Variants in PNPLA7 observed in about 807,000 individuals in gnomAD.
PNPLA7 encodes the protein patatin-like phospholipase domain-containing protein 7.
In PNPLA7, 153 loss-of-function variants were observed where a neutral mutation model predicts 161.7. That is an observed-to-expected ratio of 0.95 (90% CI 0.83 to 1.08). The LOEUF is 1.08. PNPLA7 is among the 50% of genes least tolerant of loss of function. The pLI is 0.00. For synonymous variants in PNPLA7, 809 were observed against 782.1 expected (o/e 1.03, Z -0.57); for missense variants, 1,739 against 1,856.6 (o/e 0.94, Z 1.16).
rs554081830 is a variant in PNPLA7, at chr9:137,480,011, C to T, written c.2580+301G>A. 1.6e-5 allele frequency: 12 copies of T among 731,268 alleles called. No individual in the cohort carries two copies. The African/African-American group carries it at 1.9e-4, about 12-fold the overall frequency. 45.3% of individuals were successfully genotyped at this position (731,268 alleles called of 1,614,324 possible). A position where few individuals can be genotyped will look rare whatever the true frequency, so the allele number is the denominator to read the frequency against. ...CTTCAGATGACACAAAATAGGGCAC[C>T]GTTTACGTAAAAGGTTAGTCCTGGA... On this transcript the variant is annotated intron_variant, in intron 23 of 34. Coordinates refer to ENST00000406427, the MANE Select transcript of PNPLA7 (RefSeq NM_001098537.3).
At chr9:137,466,319 C>T (rs1157415665) in intron 26 of PNPLA7, among the ~76,000 whole-genome samples, 1 of 152,102 alleles carries the variant, frequency 6.6e-6, no homozygotes. Context: ...GACCCGGGCA[C>T]GGATCAGACC....
At chr9:137,518,223 A>C (rs1383507299) in intron 11 of PNPLA7, among the ~76,000 whole-genome samples, 2 of 95,628 alleles carry the variant, frequency 2.1e-5, no homozygotes, top group South Asian at 3.5e-4. Flanking sequence ...TCCATCCCCC[A>C]CTCACTCACT....
chr9:137,491,988 G>A (rs1832786582), intron 20 of PNPLA7: 1 of 985,336 alleles, frequency 1.0e-6, no homozygotes, highest in Non-Finnish European at 1.2e-6. Flanking sequence ...GAGGGCTCCA[G>A]GCAGAGAGCA....
At chr9:137,491,990 C>A (rs1384230503) in intron 20 of PNPLA7, 8 of 985,366 alleles carry the variant, frequency 8.1e-6, no homozygotes, top group Non-Finnish European at 9.6e-6. Flanking sequence ...GGGCTCCAGG[C>A]AGAGAGCAGC....
chr9:137,512,525 A>G (rs775364954), intron 12 of PNPLA7, among the ~76,000 whole-genome samples: 54 of 152,268 alleles, frequency 3.5e-4, no homozygotes, highest in Admixed American at 3.3e-3. Flanking sequence ...CGGGGCTTGC[A>G]GGGGCTAATT....
chr9:137,461,838 GCTGGGCGTGGCCTGATGAA>G lies in PNPLA7; in HGVS notation c.3756+74_3756+92del, dbSNP rs983437104. ...GGGGGCAGGGCCTGTGGCCTGAGGA[GCTGGGCGTGGCCTGATGAA>G]CTGGGCGTGGGCGTGGCCCGAAGAA... On this transcript the variant is annotated intron_variant, in intron 32 of 34. Transcript: ENST00000406427. 57 of 1,362,082 alleles carry G rather than the reference GCTGGGCGTGGCCTGATGAA, an allele frequency of 4.2e-5. No homozygotes were observed. The African/African-American group carries it at 4.2e-4, about 10-fold the overall frequency. 84.4% of individuals were successfully genotyped at this position (1,362,082 alleles called of 1,614,324 possible).
Position 137,520,127 on chromosome 9 carries a change from G to C in PNPLA7, c.958-84C>G. ...GTGTGGGCTCCTCAAAGGTGTGACA[G>C]GTGTGGGCTCCTCAAAGGTGTGACA... On this transcript the variant is annotated intron_variant, in intron 10 of 34. Coordinates refer to ENST00000406427, the MANE Select transcript of PNPLA7 (RefSeq NM_001098537.3). The surrounding 1 kb of genome is among the most constrained non-coding windows in gnomAD (Gnocchi z 5.2). 1 of 1,569,254 alleles carries C rather than the reference G, an allele frequency of 6.4e-7. No individual in the cohort carries two copies. Among genetic ancestry groups the C allele is most frequent in the Non-Finnish European group, 8.6e-7 (1 of 1,160,664 alleles).
intron 4 of PNPLA7, among the ~76,000 whole-genome samples, chr9:137,545,019 A>G (rs1259268373): frequency 6.6e-6 from 1 of 152,098 alleles, no homozygotes; most frequent in Non-Finnish European, 1.5e-5. Flanking sequence ...GATTGCTTTA[A>G]AGGGATCAGT....
intron 26 of PNPLA7, among the ~76,000 whole-genome samples, chr9:137,465,425 C>T (rs140223301): frequency 3.3e-5 from 5 of 152,336 alleles, no homozygotes; most frequent in East Asian, 1.9e-4. Context: ...CCCCCAGCCC[C>T]AGACCCACAG....
intron 20 of PNPLA7, among the ~76,000 whole-genome samples, chr9:137,491,168 G>T (rs910036591): frequency 1.3e-5 from 2 of 152,170 alleles, no homozygotes; most frequent in Non-Finnish European, 2.9e-5. Context: ...CTGAGGGGGG[G>T]GGAATCACTT....
At chr9:137,506,145 T>G in intron 12 of PNPLA7, 62 bp from the exon 13 acceptor site, 7 of 1,400,868 alleles carry the variant, frequency 5.0e-6, no homozygotes, top group Non-Finnish European at 6.0e-6. Flanking sequence ...ACGTCCGCGG[T>G]GTGGGCTGAG....
At chr9:137,534,977 A>C (rs577857880) in intron 8 of PNPLA7, among the ~76,000 whole-genome samples, 1 of 152,094 alleles carries the variant, frequency 6.6e-6, no homozygotes, top group Non-Finnish European at 1.5e-5. Flanking sequence ...AGTCCCTCCA[A>C]CCGCACGTTT....
chr9:137,504,139 AAAAG>A (rs1269748936), intron 14 of PNPLA7, among the ~76,000 whole-genome samples: 4 of 132,606 alleles, frequency 3.0e-5, no homozygotes, highest in East Asian at 2.3e-4. Flanking sequence ...GGAAGAAGAA[AAAAG>A]AAAGGAAGAA....
chr9:137,516,669 T>C (rs1834588306), intron 11 of PNPLA7: 1 of 306,446 alleles, frequency 3.3e-6, no homozygotes, highest in Non-Finnish European at 4.8e-6. Flanking sequence ...TAAAAGTAAA[T>C]GAGCTGGGCC....
chr9:137,529,906 G>A lies in PNPLA7; in HGVS notation c.748-7049C>T, dbSNP rs111691626. Among the ~76,000 whole-genome samples, 28 of 151,862 alleles carry A rather than the reference G, an allele frequency of 1.8e-4. 1 individual carries two copies. The highest frequency in any genetic ancestry group is 6.0e-4 in the African/African-American group (25 of 41,400). ...ACTCCTGACCTCATGTGATCCGCCC[G>A]CCTCAGCCTCCCAAAGTGCTGGGAT... On this transcript the variant is annotated intron_variant, in intron 8 of 34. Coordinates refer to ENST00000406427, the MANE Select transcript of PNPLA7 (RefSeq NM_001098537.3).
Position 137,531,979 on chromosome 9 carries a change from C to T in PNPLA7, c.747+8663G>A, listed in dbSNP as rs187767714. Among the ~76,000 whole-genome samples, 6 of 152,318 alleles carry T rather than the reference C, an allele frequency of 3.9e-5. No individual in the cohort carries two copies. In the East Asian group the frequency reaches 1.2e-3, roughly 29 times the overall value. On this transcript the variant is annotated intron_variant, in intron 8 of 34. Coordinates refer to ENST00000406427, the MANE Select transcript of PNPLA7 (RefSeq NM_001098537.3). ...ACAGGGTCCTGCTATGTTGTCTGGGCTGGCCTAGAACTACGAGGCTCAGCA... is the reference window on the plus strand; with the variant it reads ...ACAGGGTCCTGCTATGTTGTCTGGGTTGGCCTAGAACTACGAGGCTCAGCA...
At chr9:137,502,703 C>CGCGGGGGACGG (rs1833524598) in intron 14 of PNPLA7, among the ~76,000 whole-genome samples, 1 of 11,194 alleles carries the variant, frequency 8.9e-5, no homozygotes, top group Admixed American at 8.2e-4. Context: ...GGGGGGGACG[C>CGCGGGGGACGG]GGGGGACGCG....
intron 29 of PNPLA7, 46 bp from the exon 30 acceptor site, chr9:137,462,879 G>T: frequency 6.2e-7 from 1 of 1,604,734 alleles, no homozygotes; most frequent in Non-Finnish European, 8.5e-7. Context: ...GGCATGCAGA[G>T]CCAGGGGACG....
intron 24 of PNPLA7, 154 bp downstream of exon 24, chr9:137,478,902 A>C (rs1832068443): frequency 1.8e-6 from 2 of 1,094,270 alleles, no homozygotes; most frequent in Non-Finnish European, 1.2e-6. Context: ...GGGCAAGATG[A>C]AGGAGACGTG....
Sources: allele counts gnomAD v4.1 joint callset (sites outside exome capture counted in the v4.1 genomes callset), GRCh38; gene constraint gnomAD v4.1.1; non-coding constraint Gnocchi (gnomAD v3.1); transcripts MANE v1.5; gene names NCBI Gene and HGNC (gene_info 2026-07-23, HGNC 2026-07-21).